CFAP61: variants seen among roughly 807,000 people sequenced by gnomAD.
The protein encoded by CFAP61 is cilia and flagella associated protein 61.
Under a neutral mutation model 135.6 loss-of-function variants are expected in CFAP61, and 107 were observed. The ratio of observed to expected loss-of-function variants is 0.79; its 90% CI spans 0.67 to 0.93. The LOEUF is 0.93. Among genes scored for constraint, CFAP61 ranks in the 40% least tolerant of loss-of-function variants. The pLI, the probability that CFAP61 is intolerant of heterozygous loss-of-function variation, is 0.00. For synonymous variants in CFAP61, 575 were observed against 578.5 expected (o/e 0.99, Z 0.09); for missense variants, 1,507 against 1,556.2 (o/e 0.97, Z 0.53).
intron 26 of CFAP61, among the ~76,000 whole-genome samples, chr20:20,342,808 C>G (rs1003196795): frequency 6.6e-6 from 1 of 152,112 alleles, no homozygotes; most frequent in African/African-American, 2.4e-5. Flanking sequence ...ATCATCTTGA[C>G]TTTCCCAGTG....
Position 20,169,353 on chromosome 20 carries a change from T to G in CFAP61, c.1278T>G (p.His426Gln). The G allele has an allele frequency of 6.2e-7, 1 of 1,613,956 alleles. No homozygotes were observed. Among genetic ancestry groups the G allele is most frequent in the Non-Finnish European group, 8.5e-7 (1 of 1,179,920 alleles). The change falls in exon 13 of 27, where the codon CAT becomes CAG. Residue 426 changes from histidine (H) to glutamine (Q), a missense_variant. His to Gln is a conservative substitution (Grantham distance 24). Transcript: ENST00000245957. ...ACTTCTGTGTAATTTCTCTGCCCCA[T>G]CTCACCCCCGAGTTCTTCCTCATCC... is the stretch of plus-strand genomic sequence containing the variant. Reference protein sequence around the residue: ...DKNFCVISLPHLTPEFFLIQN... With the variant: ...DKNFCVISLPQLTPEFFLIQN...
chr20:20,273,041 A>AT (rs998055743), intron 21 of CFAP61, among the ~76,000 whole-genome samples: 37,553 of 127,314 alleles, frequency 0.29, 6,285 homozygotes, highest in Non-Finnish European at 0.32. Flanking sequence ...GCCATGCTTA[A>AT]TTTTTTTTTT....
intron 26 of CFAP61, among the ~76,000 whole-genome samples, chr20:20,354,001 A>G (rs1305214035): frequency 1.3e-5 from 2 of 152,250 alleles, no homozygotes; most frequent in Admixed American, 6.5e-5. Context: ...AAATCAATGT[A>G]TCAAAGAAAT....
At chr20:20,124,765 T>A (rs939968387) in intron 8 of CFAP61, among the ~76,000 whole-genome samples, 1 of 151,814 alleles carries the variant, frequency 6.6e-6, no homozygotes. Flanking sequence ...CTTCTTTCTC[T>A]ATCTTGTGGA....
chr20:20,232,254 A>G lies in CFAP61; in HGVS notation c.2060+3878A>G, dbSNP rs1435391783. On this transcript the variant is annotated intron_variant, in intron 18 of 26. Transcript: ENST00000245957. ...GTGAGATCTGTAAAGTGAACTCACT[A>G]TAAAGTGAACTCCCACCAAGTCTAG... Among the ~76,000 whole-genome samples, 4 of 152,208 alleles carry G rather than the reference A, an allele frequency of 2.6e-5. No individual in the cohort carries two copies. In the East Asian group the frequency reaches 7.7e-4, roughly 29 times the overall value.
intron 1 of CFAP61, among the ~76,000 whole-genome samples, chr20:20,054,013 G>GTTTTTTT (rs1239349657): frequency 3.4e-5 from 2 of 59,104 alleles, no homozygotes; most frequent in Admixed American, 1.8e-4. Context: ...TTTTTTGTTT[G>GTTTTTTT]TTTTTTTTTT....
At chr20:20,190,482 C>A (rs1373439875) in intron 14 of CFAP61, among the ~76,000 whole-genome samples, 3 of 152,020 alleles carry the variant, frequency 2.0e-5, no homozygotes, top group Non-Finnish European at 4.4e-5. Flanking sequence ...ACAGAGGGGG[C>A]AACTCAAGGG....
At chr20:20,302,723 AT>A (rs1274088409) in intron 25 of CFAP61, among the ~76,000 whole-genome samples, 3 of 152,316 alleles carry the variant, frequency 2.0e-5, no homozygotes, top group African/African-American at 7.2e-5. Flanking sequence ...CCCATTCTTA[AT>A]TTGAAAGGGA....
At chr20:20,206,271 A>G (rs2146906082) in intron 17 of CFAP61, among the ~76,000 whole-genome samples, 1 of 152,348 alleles carries the variant, frequency 6.6e-6, no homozygotes, top group Middle Eastern at 3.4e-3. Flanking sequence ...GATATAAATC[A>G]TACATATACA....
At chr20:20,262,195 A>C (rs1290716371) in intron 20 of CFAP61, among the ~76,000 whole-genome samples, 4 of 152,092 alleles carry the variant, frequency 2.6e-5, no homozygotes, top group African/African-American at 9.7e-5. Flanking sequence ...GAAGAGGTGG[A>C]GTCTAGGTTC....
chr20:20,190,637 T>C (rs2055855946), intron 14 of CFAP61, among the ~76,000 whole-genome samples: 1 of 152,088 alleles, frequency 6.6e-6, no homozygotes, highest in Admixed American at 6.5e-5. Flanking sequence ...CTGCTTGTAG[T>C]ATTAGACTAT....
At chr20:20,323,466 GTTCT>G (rs1229483106) in intron 25 of CFAP61, 2 of 263,718 alleles carry the variant, frequency 7.6e-6, no homozygotes, top group Non-Finnish European at 1.2e-5. Context: ...TGCTGAAAAT[GTTCT>G]TTATTATTTT....
At chr20:20,212,723 G>A (rs1264016922) in intron 17 of CFAP61, among the ~76,000 whole-genome samples, 1 of 152,170 alleles carries the variant, frequency 6.6e-6, no homozygotes, top group Non-Finnish European at 1.5e-5. Context: ...CTCCTGCCTG[G>A]ATAGGCTTTT....
intron 20 of CFAP61, 103 bp downstream of exon 20, chr20:20,251,866 T>C: frequency 8.2e-7 from 1 of 1,217,284 alleles, no homozygotes; most frequent in Non-Finnish European, 1.2e-6. Context: ...AGAGCATCCC[T>C]CTGCCTGGAC....
At chr20:20,088,304 A>C (rs908171041) in intron 6 of CFAP61, among the ~76,000 whole-genome samples, 3 of 152,142 alleles carry the variant, frequency 2.0e-5, no homozygotes. Context: ...CCATTCTCAC[A>C]CTACTATAAG....
At chr20:20,253,664 G>GT in intron 20 of CFAP61, 2 of 441,950 alleles carry the variant, frequency 4.5e-6, no homozygotes, top group Non-Finnish European at 8.9e-6. Context: ...CTCCACCTTT[G>GT]TAACGTCAGA....
chr20:20,333,664 C>T (rs766811842), intron 25 of CFAP61, among the ~76,000 whole-genome samples: 2 of 152,258 alleles, frequency 1.3e-5, no homozygotes, highest in Admixed American at 1.3e-4. Flanking sequence ...AAGCTGTTCC[C>T]GGGCTGAGTG....
At chr20:20,212,608 G>A (rs769877105) in intron 17 of CFAP61, among the ~76,000 whole-genome samples, 4 of 152,084 alleles carry the variant, frequency 2.6e-5, no homozygotes, top group African/African-American at 4.8e-5. Context: ...CCATGAGCCC[G>A]ATAAACACCA....
At chr20:20,243,438 T>G (rs2050169262) in intron 18 of CFAP61, among the ~76,000 whole-genome samples, 1 of 151,768 alleles carries the variant, frequency 6.6e-6, no homozygotes, top group African/African-American at 2.4e-5. Flanking sequence ...CCAAGTCTTT[T>G]TTTTTTTCTT....
Sources: gnomAD v4.1 joint callset for allele counts (sites outside exome capture counted in the v4.1 genomes callset) on GRCh38, gnomAD v4.1.1 for gene constraint, MANE v1.5 for transcripts, NCBI Gene and HGNC (gene_info 2026-07-23, HGNC 2026-07-21) for gene names.